Variants in MIER3 observed in about 807,000 individuals in gnomAD.
The protein encoded by MIER3 is MIER family member 3, also known as mesoderm induction early response protein 3.
Under a neutral mutation model 63.2 loss-of-function variants are expected in MIER3, and 9 were observed. The ratio of observed to expected loss-of-function variants is 0.14; its 90% CI spans 0.09 to 0.25. MIER3 has a LOEUF of 0.25. Ranked by LOEUF, MIER3 falls within the 10% of genes least tolerant of loss-of-function variation. MIER3 has a pLI of 1.00. For synonymous variants in MIER3, 205 were observed against 224.9 expected, an observed-to-expected ratio of 0.91 and a Z score of 0.79; for missense variants, 512 against 666.2, an observed-to-expected ratio of 0.77 and a Z score of 2.55.
intron 5 of MIER3, among the ~76,000 whole-genome samples, chr5:56,935,958 C>T (rs868800372): frequency 5.3e-5 from 8 of 152,234 alleles, no homozygotes; most frequent in Middle Eastern, 3.4e-3. Flanking sequence ...GGTGCAGTGG[C>T]TCTCATGGCT....
chr5:56,929,007 T>A (rs252891), intron 9 of MIER3, 146 bp from the exon 10 acceptor site: 295,136 of 413,284 alleles, frequency 0.71, 96,223 homozygotes, highest in Non-Finnish European at 0.75. Flanking sequence ...ACACACACAC[T>A]CTCTCTCTCT....
Position 56,923,012 on chromosome 5 carries a change from C to A in MIER3, c.*116G>T. Reference sequence around the variant, plus strand: ...CAAGATATAGTTCTATACATACTGACATCACTGATGTCATAGTGAGAAAGG... The same window carrying A: ...CAAGATATAGTTCTATACATACTGAAATCACTGATGTCATAGTGAGAAAGG... On this transcript the variant is annotated 3_prime_UTR_variant, in exon 13 of 13. Transcript: ENST00000381199. The A allele has an allele frequency of 1.4e-6, 1 of 733,714 alleles. No individual in the cohort carries two copies. The highest frequency in any genetic ancestry group is 2.2e-6 in the Non-Finnish European group (1 of 445,916). 45.5% of individuals were successfully genotyped at this position (733,714 alleles called of 1,614,324 possible). A position where few individuals can be genotyped will look rare whatever the true frequency, so the allele number is the denominator to read the frequency against.
chr5:56,924,478 T>C (rs1239363052), intron 10 of MIER3, among the ~76,000 whole-genome samples: 1 of 152,208 alleles, frequency 6.6e-6, no homozygotes, highest in Non-Finnish European at 1.5e-5. Flanking sequence ...AAATTATATT[T>C]AGGTATATTT....
rs147829061 is a variant in MIER3 at position 56,931,053 on chromosome 5, A to C, written c.748-308T>G. Among the ~76,000 whole-genome samples, 5 of 152,170 alleles carry C rather than the reference A, an allele frequency of 3.3e-5. No homozygotes were observed. In the East Asian group the frequency reaches 7.7e-4, roughly 24 times the overall value. On this transcript the variant is annotated intron_variant, in intron 8 of 12. Coordinates refer to ENST00000381199, the MANE Select transcript of MIER3 (RefSeq NM_001297599.2). ...TAGGTCTAAGATTAGAGTTTCCCCT[A>C]TTTTAGATGTTTCTTTTTCTAGTTT...
At chr5:56,938,696 C>G in intron 4 of MIER3, 187 bp downstream of exon 4, 1 of 616,288 alleles carries the variant, frequency 1.6e-6, no homozygotes. Flanking sequence ...TACCATGAAG[C>G]TGCTATTAAT....
chr5:56,948,752 G>A (rs1441839838), intron 2 of MIER3, among the ~76,000 whole-genome samples: 1 of 152,090 alleles, frequency 6.6e-6, no homozygotes, highest in Non-Finnish European at 1.5e-5. Context: ...TTTTTTTGAG[G>A]AATTCTTGGC....
chr5:56,924,720 G>C (rs1749874381), intron 10 of MIER3, among the ~76,000 whole-genome samples: 1 of 152,054 alleles, frequency 6.6e-6, no homozygotes, highest in Non-Finnish European at 1.5e-5. Flanking sequence ...CCCAAACCAG[G>C]GTTCCTCTAA....
At chr5:56,939,082 G>C in intron 3 of MIER3, 65 bp from the exon 4 acceptor site, 1 of 1,554,624 alleles carries the variant, frequency 6.4e-7, no homozygotes, top group Non-Finnish European at 8.8e-7. Context: ...CAGGTAAACT[G>C]TACTGTCCTT....
At chr5:56,940,296 G>T (rs1750598166) in intron 3 of MIER3, among the ~76,000 whole-genome samples, 1 of 152,150 alleles carries the variant, frequency 6.6e-6, no homozygotes, top group South Asian at 2.1e-4. Context: ...TTTAAAATTT[G>T]CTTATGGTTT....
chr5:56,925,262 A>C (rs1046154326), intron 10 of MIER3: 2 of 437,038 alleles, frequency 4.6e-6, no homozygotes, highest in Admixed American at 2.6e-5. Context: ...TAGCTAATGC[A>C]GTAAGACAAG....
chr5:56,951,538 A>G (rs1751030347), intron 1 of MIER3, among the ~76,000 whole-genome samples: 1 of 152,014 alleles, frequency 6.6e-6, no homozygotes, highest in Non-Finnish European at 1.5e-5. Flanking sequence ...CTCTTCTGAG[A>G]AGCCCGGTGG....
chr5:56,926,822 T>TC (rs896954238), intron 10 of MIER3, among the ~76,000 whole-genome samples: 1 of 152,142 alleles, frequency 6.6e-6, no homozygotes, highest in African/African-American at 2.4e-5. Context: ...AACCAAGGTA[T>TC]CCTCTAACAG....
chr5:56,932,640 G>A (rs78075120), intron 8 of MIER3, among the ~76,000 whole-genome samples: 12,370 of 152,106 alleles, frequency 0.081, 531 homozygotes, highest in East Asian at 0.14. Context: ...AGCTTAATAG[G>A]CAATGTTCCC....
In MIER3 at chr5:56,939,777, A is replaced by G. The variant is rs1186853365; in HGVS notation, c.181-760T>C. Among the ~76,000 whole-genome samples the G allele has an allele frequency of 5.9e-5, 9 of 152,352 alleles. No individual in the cohort carries two copies. The East Asian group carries it at 9.6e-4, about 16-fold the overall frequency. ...TTCCCCTCTAGGAATCCATGTGAAA[A>G]TAAGTGTTACCATGCACAACGTAAC... On this transcript the variant is annotated intron_variant, in intron 3 of 12. Transcript: ENST00000381199.
At chr5:56,925,471 ATTGAAAT>A (rs1211829642) in intron 10 of MIER3, 4 of 297,062 alleles carry the variant, frequency 1.3e-5, no homozygotes, top group Non-Finnish European at 2.0e-5. Context: ...AGCAATGACG[ATTGAAAT>A]TTGAAATTTA....
At chr5:56,951,622 G>C (rs1402447199) in intron 1 of MIER3, among the ~76,000 whole-genome samples, 1 of 151,800 alleles carries the variant, frequency 6.6e-6, no homozygotes, top group Non-Finnish European at 1.5e-5. Flanking sequence ...GCCCGGGCCC[G>C]GTGGGCCGGG....
chr5:56,937,948 G>C (rs2112121236), intron 4 of MIER3, among the ~76,000 whole-genome samples: 1 of 151,902 alleles, frequency 6.6e-6, no homozygotes, highest in Non-Finnish European at 1.5e-5. Context: ...TGGGTATGCA[G>C]AGAGCTTATC....
At position 56,923,074 on chromosome 5, in the gene MIER3, G is replaced by A; in HGVS notation, c.*54C>T. 6.7e-7 allele frequency: 1 copy of A among 1,491,778 alleles called. No individual in the cohort carries two copies. The highest frequency in any genetic ancestry group is 1.4e-5 in the African/African-American group (1 of 72,194). 92.4% of individuals were successfully genotyped at this position (1,491,778 alleles called of 1,614,324 possible). ...AGTGAAAGACTATGCAAACCTGATAGCTCCCCTCAAGTTTACTGGTGCTGC... is the reference window on the plus strand; with the variant it reads ...AGTGAAAGACTATGCAAACCTGATAACTCCCCTCAAGTTTACTGGTGCTGC... On this transcript the variant is annotated 3_prime_UTR_variant, in exon 13 of 13. Coordinates refer to ENST00000381199, the MANE Select transcript of MIER3 (RefSeq NM_001297599.2).
chr5:56,939,194 C>A (rs1259101185), intron 3 of MIER3, among the ~76,000 whole-genome samples, 177 bp from the exon 4 acceptor site: 1 of 152,200 alleles, frequency 6.6e-6, no homozygotes, highest in Admixed American at 6.5e-5. Context: ...ACACCTGGAG[C>A]TATAATTAAT....
Sources: allele counts gnomAD v4.1 joint callset (sites outside exome capture counted in the v4.1 genomes callset), GRCh38; gene constraint gnomAD v4.1.1; transcripts MANE v1.5; gene names NCBI Gene and HGNC (gene_info 2026-07-23, HGNC 2026-07-21).